Variants in CCDC18 observed in about 807,000 individuals in gnomAD.
CCDC18 encodes coiled-coil domain containing 18.
Under a neutral mutation model 196.0 loss-of-function variants are expected in CCDC18, and 157 were observed. The observed-to-expected ratio is 0.80, with a 90% CI of 0.70 to 0.91. The LOEUF (loss-of-function observed/expected upper bound fraction) is 0.91, where lower values mean the gene tolerates loss of function less well. Among genes scored for constraint, CCDC18 ranks in the 40% least tolerant of loss-of-function variants. The pLI, the probability that CCDC18 is intolerant of heterozygous loss-of-function variation, is 0.00. For synonymous variants in CCDC18, 482 were observed against 529.2 expected (o/e 0.91, Z 1.22); for missense variants, 1,465 against 1,611.6 (o/e 0.91, Z 1.56).
intron 4 of CCDC18, chr1:93,190,752 C>A: frequency 1.7e-6 from 1 of 586,626 alleles, no homozygotes; most frequent in South Asian, 1.8e-5. Flanking sequence ...AGAACTGGGT[C>A]ACTTGGCTCT....
Position 93,206,601 on chromosome 1 carries a change from C to T in CCDC18, c.918-506C>T, listed in dbSNP as rs115429741. 7.8e-3 allele frequency among the ~76,000 whole-genome samples: 1,188 copies of T among 152,200 alleles called. 21 individuals carry two copies. The highest frequency in any genetic ancestry group is 0.027 in the African/African-American group (1,134 of 41,552). On this transcript the variant is annotated intron_variant, in intron 8 of 28. Transcript: ENST00000690025. ...TTCCTCACAGTATCTCCCAGTGTGCCATTAAGACTTGTTGATGCAGTATTT... is the reference window on the plus strand; with the variant it reads ...TTCCTCACAGTATCTCCCAGTGTGCTATTAAGACTTGTTGATGCAGTATTT...
chr1:93,197,814 C>A (rs995348929), intron 6 of CCDC18, among the ~76,000 whole-genome samples: 1 of 134,094 alleles, frequency 7.5e-6, no homozygotes, highest in Non-Finnish European at 1.5e-5. Context: ...TGCAGTGGCG[C>A]GATCTCGGCT....
At position 93,217,805 on chromosome 1, in the gene CCDC18, C is replaced by G; in HGVS notation, c.1898C>G (p.Ala633Gly). The G allele has an allele frequency of 1.2e-5, 19 of 1,611,622 alleles. No homozygotes were observed. Among genetic ancestry groups the G allele is most frequent in the Non-Finnish European group, 1.6e-5 (19 of 1,177,980 alleles). The change falls in exon 14 of 29, where the codon GCC becomes GGC. Residue 633 changes from alanine to glycine, a missense_variant. Physicochemically the swap from Ala to Gly is moderately conservative, Grantham distance 60. Coordinates refer to ENST00000690025, the MANE Select transcript of CCDC18 (RefSeq NM_001378204.1). The part of the protein sequence containing the change: ...INTEHEKICL[A>G]FEKAKKIHLE... ...ACAGAGCATGAGAAAATTTGTTTAG[C>G]CTTTGAAAAAGCAAAGAAAATTCAC...
intron 28 of CCDC18, among the ~76,000 whole-genome samples, chr1:93,274,012 A>T (rs1183367542): frequency 6.6e-6 from 1 of 152,176 alleles, no homozygotes; most frequent in Non-Finnish European, 1.5e-5. Flanking sequence ...CCCTGCTCTT[A>T]ACCACTATAT....
intron 25 of CCDC18, among the ~76,000 whole-genome samples, chr1:93,257,319 C>G (rs1570601996): frequency 7.0e-6 from 1 of 143,774 alleles, no homozygotes; most frequent in African/African-American, 2.6e-5. Context: ...ACCTGTAGTT[C>G]AAAACCCTTG....
At chr1:93,231,498 A>C (rs2100698899) in intron 17 of CCDC18, among the ~76,000 whole-genome samples, 1 of 152,238 alleles carries the variant, frequency 6.6e-6, no homozygotes, top group South Asian at 2.1e-4. Flanking sequence ...ATCACTTATT[A>C]AATCTTCCAT....
At chr1:93,246,245 A>T in intron 22 of CCDC18, 41 bp downstream of exon 22, 1 of 1,418,160 alleles carries the variant, frequency 7.1e-7, no homozygotes, top group Non-Finnish European at 9.7e-7. Flanking sequence ...GTTTTCTGTT[A>T]TGACACAGTC....
chr1:93,237,467 C>T (rs997628407), intron 19 of CCDC18, among the ~76,000 whole-genome samples: 11 of 152,232 alleles, frequency 7.2e-5, no homozygotes, highest in Non-Finnish European at 1.5e-4. Context: ...TTCTGAAAGA[C>T]TTCTACTGTG....
intron 13 of CCDC18, 83 bp from the exon 14 acceptor site, chr1:93,217,655 T>G: frequency 8.4e-7 from 1 of 1,197,420 alleles, no homozygotes. Context: ...CCCAGGCTAG[T>G]CTTGAACTCC....
intron 26 of CCDC18, among the ~76,000 whole-genome samples, chr1:93,261,555 G>T (rs185935454): frequency 4.8e-4 from 73 of 152,104 alleles, no homozygotes; most frequent in South Asian, 1.2e-3. Context: ...AAAGCACAGT[G>T]CTTTCAAAGA....
chr1:93,256,371 T>C lies in CCDC18; in HGVS notation c.3379T>C (p.Tyr1127His), dbSNP rs2101091561. ...KEQEQYIATQ[Y>H]KEAIDLGQEL... The stretch of plus-strand genomic sequence containing the variant: ...GCAAGAACAGTACATTGCCACTCAG[T>C]ACAAGGAGGCCATAGATTTGGGGCA... Residue 1127 changes from tyrosine (Y) to histidine (H), a missense_variant, in exon 25 of 29, where the codon TAC (tyrosine) becomes CAC (histidine). Transcript: ENST00000690025. The C allele has an allele frequency of 6.2e-7, 1 of 1,614,088 alleles. No individual in the cohort carries two copies. The highest frequency in any genetic ancestry group is 1.1e-5 in the South Asian group (1 of 91,078).
In CCDC18 at chr1:93,264,932, A is replaced by G. The variant is rs1054240630; in HGVS notation, c.3885+31A>G. On this transcript the variant is annotated intron_variant, in intron 27 of 28. Transcript: ENST00000690025. Reference sequence around the variant, plus strand: ...TAAACATATAAAAGTAATAAAGCATATCTATGAAAACATAAATGTCTGACT... The same window carrying G: ...TAAACATATAAAAGTAATAAAGCATGTCTATGAAAACATAAATGTCTGACT... The G allele has an allele frequency of 6.2e-6, 9 of 1,444,370 alleles. No homozygotes were observed. In the East Asian group the frequency reaches 6.8e-5, roughly 11 times the overall value. 89.5% of individuals were successfully genotyped at this position (1,444,370 alleles called of 1,614,324 possible).
intron 4 of CCDC18, among the ~76,000 whole-genome samples, chr1:93,187,753 C>G (rs59031976): frequency 2.2e-4 from 33 of 152,202 alleles, no homozygotes; most frequent in African/African-American, 7.0e-4. Flanking sequence ...GGTAGACTTA[C>G]AGAGGCAGAA....
At chr1:93,182,940 G>A (rs780223301) in intron 1 of CCDC18, among the ~76,000 whole-genome samples, 2 of 152,106 alleles carry the variant, frequency 1.3e-5, no homozygotes, top group Non-Finnish European at 2.9e-5. Flanking sequence ...GCTACAATGC[G>A]ACATAATTTA....
At chr1:93,226,848 T>C (rs1257645389) in intron 17 of CCDC18, among the ~76,000 whole-genome samples, 1 of 152,156 alleles carries the variant, frequency 6.6e-6, no homozygotes, top group Non-Finnish European at 1.5e-5. Context: ...TAATATCTTT[T>C]ATGTATCTGA....
At chr1:93,192,237 G>A in intron 5 of CCDC18, 131 bp downstream of exon 5, 1 of 644,096 alleles carries the variant, frequency 1.6e-6, no homozygotes, top group Non-Finnish European at 2.7e-6. Flanking sequence ...CTTAGAACTT[G>A]TTGAATCTAT....
chr1:93,200,303 T>A, intron 6 of CCDC18, among the ~76,000 whole-genome samples: 2 of 146,318 alleles, frequency 1.4e-5, no homozygotes. Context: ...GTTAAAAATG[T>A]GAAAACATGG....
intron 23 of CCDC18, among the ~76,000 whole-genome samples, chr1:93,249,326 C>T (rs1661932368): frequency 6.6e-6 from 1 of 152,168 alleles, no homozygotes; most frequent in Admixed American, 6.5e-5. Context: ...TTTTTCATCT[C>T]ATTTTATTTA....
intron 18 of CCDC18, among the ~76,000 whole-genome samples, chr1:93,233,460 C>T (rs562210911): frequency 9.9e-5 from 15 of 152,174 alleles, no homozygotes; most frequent in African/African-American, 2.6e-4. Flanking sequence ...AGAAAATGAT[C>T]GTCCCCTGTA....
Sources: allele counts gnomAD v4.1 joint callset (sites outside exome capture counted in the v4.1 genomes callset), GRCh38; gene constraint gnomAD v4.1.1; transcripts MANE v1.5; gene names NCBI Gene and HGNC (gene_info 2026-07-23, HGNC 2026-07-21).